DPP6: variants seen among roughly 807,000 people sequenced by gnomAD.
DPP6 encodes A-type potassium channel modulatory protein DPP6.
A neutral mutation model predicts 122.6 loss-of-function variants in DPP6; 69 were observed. The observed-to-expected ratio is 0.56, with a 90% CI of 0.46 to 0.69. The LOEUF (loss-of-function observed/expected upper bound fraction) is 0.69, where lower values mean the gene tolerates loss of function less well. Among genes scored for constraint, DPP6 ranks in the 30% least tolerant of loss-of-function variants. DPP6 has a pLI of 0.00. For synonymous variants in DPP6, 418 were observed against 433.1 expected (o/e 0.97, Z 0.43); for missense variants, 928 against 1,116.9 (o/e 0.83, Z 2.41).
chr7:154,517,194 C>G (rs1826587844), intron 3 of DPP6, among the ~76,000 whole-genome samples: 1 of 152,158 alleles, frequency 6.6e-6, no homozygotes, highest in African/African-American at 2.4e-5. Flanking sequence ...GAGGCACCCC[C>G]ACAGTCAGTA....
intron 17 of DPP6, among the ~76,000 whole-genome samples, chr7:154,854,897 C>A (rs1802701180): frequency 1.3e-5 from 2 of 152,180 alleles, no homozygotes; most frequent in Admixed American, 1.3e-4. Flanking sequence ...TGTCCTCCTT[C>A]CCCCGAATCC....
chr7:154,735,594 C>A (rs1280373055), intron 8 of DPP6, among the ~76,000 whole-genome samples: 1 of 152,166 alleles, frequency 6.6e-6, no homozygotes, highest in East Asian at 1.9e-4. Context: ...GTCTCCAACT[C>A]TGTAAAGTAT....
At chr7:154,768,599 G>T (rs538321416) in intron 8 of DPP6, among the ~76,000 whole-genome samples, 1 of 152,296 alleles carries the variant, frequency 6.6e-6, no homozygotes, top group Admixed American at 6.5e-5. Context: ...CCCTTGGGAA[G>T]TGTATTCTCC....
intron 16 of DPP6, among the ~76,000 whole-genome samples, chr7:154,807,603 C>A (rs900267589): frequency 6.6e-6 from 1 of 152,188 alleles, no homozygotes; most frequent in African/African-American, 2.4e-5. Flanking sequence ...GGCAGATTCA[C>A]CTGAGGTCAG....
chr7:154,736,949 C>T (rs997753957), intron 8 of DPP6, among the ~76,000 whole-genome samples: 5 of 152,166 alleles, frequency 3.3e-5, no homozygotes, highest in African/African-American at 1.2e-4. Context: ...CAAAAAGCAA[C>T]AGTAATTGTT....
chr7:153,862,086 ACTCCAGG>A, the DPP6 span, among the ~76,000 whole-genome samples: 1 of 152,170 alleles, frequency 6.6e-6, no homozygotes, highest in Non-Finnish European at 1.5e-5. Context: ...GTGGGGCCTG[ACTCCAGG>A]CTCCCAGAGG....
At chr7:153,830,462 G>A in the DPP6 span, among the ~76,000 whole-genome samples, 709 of 152,278 alleles carry the variant, frequency 4.7e-3, 6 homozygotes, top group African/African-American at 0.016. Context: ...TTGATTAATG[G>A]TCTTAAGAAT....
At chr7:154,885,348 A>C (rs1351770449) in intron 21 of DPP6, 8 of 391,712 alleles carry the variant, frequency 2.0e-5, no homozygotes, top group Non-Finnish European at 4.8e-6. Context: ...ACACCTGTGC[A>C]GTCCACACTT....
At chr7:153,832,065 G>T in the DPP6 span, among the ~76,000 whole-genome samples, 3 of 152,186 alleles carry the variant, frequency 2.0e-5, no homozygotes, top group Admixed American at 6.5e-5. Flanking sequence ...GCAGGGTGGT[G>T]GGGGTTTCAA....
intron 1 of DPP6, among the ~76,000 whole-genome samples, chr7:154,269,122 C>T (rs10269548): frequency 0.51 from 75,396 of 148,492 alleles, 19,411 homozygotes; most frequent in East Asian, 0.65. Context: ...CCATGTGATC[C>T]AAAAGACACT....
intron 1 of DPP6, among the ~76,000 whole-genome samples, chr7:154,061,435 A>G (rs1801858998): frequency 6.8e-6 from 1 of 146,716 alleles, no homozygotes; most frequent in African/African-American, 2.5e-5. Flanking sequence ...TACATCTCTA[A>G]ACAACTAGAC....
intron 16 of DPP6, among the ~76,000 whole-genome samples, chr7:154,843,840 T>C (rs1801747928): frequency 6.6e-6 from 1 of 152,238 alleles, no homozygotes; most frequent in Non-Finnish European, 1.5e-5. Flanking sequence ...CTCTGAACCA[T>C]GGACCGCGTC....
chr7:154,060,345 C>A (rs1471663938), intron 1 of DPP6, among the ~76,000 whole-genome samples: 76 of 110,918 alleles, frequency 6.9e-4, no homozygotes, highest in East Asian at 1.0e-3. Context: ...AGGCACCCCC[C>A]GCGAGGCAGG....
intron 16 of DPP6, among the ~76,000 whole-genome samples, chr7:154,850,222 T>C (rs957397791): frequency 2.0e-5 from 3 of 152,162 alleles, no homozygotes; most frequent in Admixed American, 1.3e-4. Context: ...CCAAAGTCCA[T>C]TGTATCATTT....
chr7:154,207,015 C>T (rs1046262870), intron 1 of DPP6, among the ~76,000 whole-genome samples: 4 of 152,224 alleles, frequency 2.6e-5, no homozygotes, highest in Admixed American at 2.0e-4. Flanking sequence ...TGCTGCTGTG[C>T]TCCACGCTGG....
In DPP6 at chr7:153,901,793, G is replaced by GTC. The variant is rs1389103503; in HGVS notation, c.51+14060_51+14061insCT. On this transcript the variant is annotated intron_variant, in intron 1 of 25. Coordinates refer to the DPP6 transcript ENST00000404039. ...GACAGCTTTATTTAGGTGAATTCAG[G>GTC]TTGTTACATGGTCTTGCCACAAGTG... Among the ~76,000 whole-genome samples, 326 of 152,316 alleles carry GTC rather than the reference G, an allele frequency of 2.1e-3. 3 individuals are homozygous for GTC. The highest frequency in any genetic ancestry group is 7.6e-3 in the African/African-American group (314 of 41,568).
chr7:154,511,450 GT>G (rs1206512643), intron 3 of DPP6, among the ~76,000 whole-genome samples: 5 of 152,128 alleles, frequency 3.3e-5, no homozygotes, highest in Non-Finnish European at 7.4e-5. Context: ...GTAAAGAAAT[GT>G]TTTTTTGCAT....
chr7:154,485,176 G>A (rs1029525528), intron 3 of DPP6, among the ~76,000 whole-genome samples: 1 of 152,034 alleles, frequency 6.6e-6, no homozygotes, highest in African/African-American at 2.4e-5. Flanking sequence ...TACCCAGGAA[G>A]GGCAGGCTTC....
chr7:154,778,146 A>G (rs1796699914), intron 10 of DPP6, among the ~76,000 whole-genome samples: 2 of 152,092 alleles, frequency 1.3e-5, no homozygotes, highest in South Asian at 4.1e-4. Flanking sequence ...GTGCGCGCTT[A>G]CTTTACATCA....
Sources: gnomAD v4.1 joint callset for allele counts (sites outside exome capture counted in the v4.1 genomes callset) on GRCh38, gnomAD v4.1.1 for gene constraint, MANE v1.5 for transcripts, NCBI Gene and HGNC (gene_info 2026-07-23, HGNC 2026-07-21) for gene names.